ARHGAP24: variants seen among roughly 807,000 people sequenced by gnomAD.
ARHGAP24 encodes the protein Rho GTPase activating protein 24, also known as rho GTPase-activating protein 24.
ARHGAP24 carries 50 observed loss-of-function variants against 76.4 expected under a neutral mutation model. The ratio of observed to expected loss-of-function variants is 0.65; its 90% confidence interval spans 0.52 to 0.83. ARHGAP24 has a LOEUF of 0.83. ARHGAP24 is among the 40% of genes least tolerant of loss of function. ARHGAP24 has a pLI of 0.00. For synonymous variants in ARHGAP24, 345 were observed against 323.3 expected (o/e 1.07, Z -0.72); for missense variants, 930 against 914.2 (o/e 1.02, Z -0.22).
At chr4:85,661,890 G>C (rs1722402385) in intron 2 of ARHGAP24, among the ~76,000 whole-genome samples, 1 of 152,046 alleles carries the variant, frequency 6.6e-6, no homozygotes, top group Admixed American at 6.6e-5. Flanking sequence ...GTGTATATGT[G>C]CCACATTTTC....
chr4:85,999,298 G>A (rs1740865821), intron 9 of ARHGAP24, among the ~76,000 whole-genome samples: 2 of 152,180 alleles, frequency 1.3e-5, no homozygotes, highest in Non-Finnish European at 2.9e-5. Flanking sequence ...ATGTAAAAAT[G>A]TGGTCATATG....
intron 3 of ARHGAP24, among the ~76,000 whole-genome samples, chr4:85,857,861 G>A (rs1731675686): frequency 6.6e-6 from 1 of 152,062 alleles, no homozygotes; most frequent in Non-Finnish European, 1.5e-5. Context: ...CTGGGTTCCT[G>A]CTTTTTATGT....
chr4:85,776,891 G>A (rs1378044774), intron 3 of ARHGAP24, among the ~76,000 whole-genome samples: 4 of 152,074 alleles, frequency 2.6e-5, no homozygotes, highest in Admixed American at 6.6e-5. Flanking sequence ...TGTCAATATC[G>A]AAAGTAAAGC....
At chr4:85,906,440 A>G (rs922418788) in intron 3 of ARHGAP24, among the ~76,000 whole-genome samples, 7 of 152,208 alleles carry the variant, frequency 4.6e-5, no homozygotes, top group South Asian at 2.1e-4. Context: ...AAAATCAGTA[A>G]TAGTGATCCC....
chr4:85,517,318 A>G (rs1724548219), intron 1 of ARHGAP24, among the ~76,000 whole-genome samples: 1 of 152,144 alleles, frequency 6.6e-6, no homozygotes, highest in African/African-American at 2.4e-5. Context: ...TCTCATTTTA[A>G]GCAAGTAGAA....
chr4:85,777,334 C>T (rs147708315), intron 3 of ARHGAP24, among the ~76,000 whole-genome samples: 19 of 152,298 alleles, frequency 1.2e-4, no homozygotes, highest in African/African-American at 4.1e-4. Flanking sequence ...CCAAACAGTG[C>T]ATTTCTGAAT....
intron 3 of ARHGAP24, among the ~76,000 whole-genome samples, chr4:85,803,358 T>C (rs1728654377): frequency 6.6e-6 from 1 of 152,216 alleles, no homozygotes; most frequent in South Asian, 2.1e-4. Context: ...AGTAATATTG[T>C]TCTTAACTAA....
chr4:85,749,846 C>T (rs1281698270), intron 3 of ARHGAP24, among the ~76,000 whole-genome samples: 2 of 152,114 alleles, frequency 1.3e-5, no homozygotes, highest in African/African-American at 4.8e-5. Context: ...GGATTACAGG[C>T]GTGAGCCACC....
rs183747522 is a variant in ARHGAP24, at chr4:85,594,632, T to C, written c.180+23911T>C. Among the ~76,000 whole-genome samples the C allele has an allele frequency of 3.1e-3, 469 of 152,164 alleles. 3 individuals are homozygous for C. Among genetic ancestry groups the C allele is most frequent in the Middle Eastern group, 6.8e-3 (2 of 294 alleles). ...AGTATAAAAAAAGGGAATCTTACTT[T>C]CTGTCCATCTCTTTTGAATCAAGGA... On this transcript the variant is annotated intron_variant, in intron 2 of 9. Coordinates refer to ENST00000395184, the MANE Select transcript of ARHGAP24 (RefSeq NM_001025616.3).
Position 85,845,144 on chromosome 4 carries a change from T to C in ARHGAP24, c.269-78504T>C, listed in dbSNP as rs528725234. Reference sequence around the variant, plus strand: ...TCTTTTGCAAGTCAAAAGTATTGAATTGTGTCTGGACAATAAAGGAAGGTA... The same window carrying C: ...TCTTTTGCAAGTCAAAAGTATTGAACTGTGTCTGGACAATAAAGGAAGGTA... On this transcript the variant is annotated intron_variant, in intron 3 of 9. Transcript: ENST00000395184. Among the ~76,000 whole-genome samples the C allele has an allele frequency of 4.2e-4, 64 of 152,328 alleles. No individual in the cohort carries two copies. In the South Asian group the frequency reaches 5.4e-3, roughly 13 times the overall value.
rs542690347 is a variant in ARHGAP24, at chr4:85,643,936, T to G, written c.180+73215T>G. 3.3e-5 allele frequency among the ~76,000 whole-genome samples: 5 copies of G among 152,292 alleles called. No homozygotes were observed. In the South Asian group the frequency reaches 1.0e-3, roughly 32 times the overall value. ...GATTTAATTATCTTTAATTGTGTTA[T>G]TATTAGGTGTCTTAGATTGGAAGAC... On this transcript the variant is annotated intron_variant, in intron 2 of 9. Transcript: ENST00000395184.
In ARHGAP24 at chr4:85,510,801, T is replaced by TTCC. The variant is rs1245634445; in HGVS notation, c.-21+35262_-21+35264dup. On this transcript the variant is annotated intron_variant, in intron 1 of 9. Transcript: ENST00000395184. ...CCTCCCCCTCCTCTAGCCCCTCCCC[T>TTCC]TCCTCCTCCTCCTCCTCCTCCTTCT... Among the ~76,000 whole-genome samples, 37 of 124,104 alleles carry TTCC rather than the reference T, an allele frequency of 3.0e-4. 1 individual carries two copies. Among genetic ancestry groups the TTCC allele is most frequent in the South Asian group, 1.9e-3 (6 of 3,114 alleles). 81.4% of individuals were successfully genotyped at this position (124,104 alleles called of 152,430 possible). A position where few individuals can be genotyped will look rare whatever the true frequency, so the allele number is the denominator to read the frequency against.
chr4:85,658,856 A>C (rs542607518), intron 2 of ARHGAP24, among the ~76,000 whole-genome samples: 4 of 152,214 alleles, frequency 2.6e-5, no homozygotes, highest in Non-Finnish European at 5.9e-5. Context: ...AGTAATCCAG[A>C]ATTTGAATCA....
chr4:85,938,328 G>C (rs1736770802), intron 4 of ARHGAP24, among the ~76,000 whole-genome samples: 1 of 152,156 alleles, frequency 6.6e-6, no homozygotes, highest in South Asian at 2.1e-4. Flanking sequence ...AGCTGGAACT[G>C]TTTGCATGAC....
At chr4:85,754,561 A>G (rs1344164218) in intron 3 of ARHGAP24, among the ~76,000 whole-genome samples, 2 of 152,208 alleles carry the variant, frequency 1.3e-5, no homozygotes, top group African/African-American at 2.4e-5. Context: ...GAGAAGAGAT[A>G]AAGATACATA....
chr4:85,697,930 A>G (rs1723931471), intron 2 of ARHGAP24, among the ~76,000 whole-genome samples: 1 of 152,228 alleles, frequency 6.6e-6, no homozygotes, highest in South Asian at 2.1e-4. Flanking sequence ...CTTCATAGAA[A>G]TACTGAGTCC....
intron 1 of ARHGAP24, among the ~76,000 whole-genome samples, chr4:85,556,637 A>T (rs929942766): frequency 2.0e-5 from 3 of 152,116 alleles, no homozygotes; most frequent in Non-Finnish European, 2.9e-5. Flanking sequence ...GGTTAATCAT[A>T]TTGGGGGCCC....
intron 1 of ARHGAP24, among the ~76,000 whole-genome samples, chr4:85,554,734 T>G (rs4466033): frequency 6.6e-6 from 1 of 151,816 alleles, no homozygotes; most frequent in Non-Finnish European, 1.5e-5. Flanking sequence ...GCAGTGGTGC[T>G]ATCTTGGCCC....
intron 2 of ARHGAP24, among the ~76,000 whole-genome samples, chr4:85,628,472 G>A (rs1431735823): frequency 6.6e-6 from 1 of 152,126 alleles, no homozygotes; most frequent in African/African-American, 2.4e-5. Context: ...AAGGAATACG[G>A]CTACTGTTGG....
Sources: allele counts gnomAD v4.1 joint callset (sites outside exome capture counted in the v4.1 genomes callset), GRCh38; gene constraint gnomAD v4.1.1; transcripts MANE v1.5; gene names NCBI Gene and HGNC (gene_info 2026-07-23, HGNC 2026-07-21).